The following CADM2 variants were observed in gnomAD, a reference collection of about 807,000 sequenced individuals.
The protein encoded by CADM2 is cell adhesion molecule 2.
In CADM2, 12 loss-of-function variants were observed where a neutral mutation model predicts 49.8. The ratio of observed to expected loss-of-function variants is 0.24; its 90% confidence interval spans 0.15 to 0.39. CADM2 has a LOEUF of 0.39. Among genes scored for constraint, CADM2 ranks in the 10% least tolerant of loss-of-function variants. The probability of loss-of-function intolerance (pLI) is 1.00; values close to 1 mark genes in which losing one functional copy is unlikely to be tolerated. For synonymous variants in CADM2, 214 were observed against 175.4 expected (o/e 1.22, Z -1.74); for missense variants, 378 against 492.3 (o/e 0.77, Z 2.20).
At chr3:85,505,059 C>A (rs1319441219) in intron 1 of CADM2, among the ~76,000 whole-genome samples, 1 of 152,134 alleles carries the variant, frequency 6.6e-6, no homozygotes, top group Non-Finnish European at 1.5e-5. Flanking sequence ...GCGCCTCTCC[C>A]TCCACACCTC....
intron 1 of CADM2, among the ~76,000 whole-genome samples, chr3:85,673,460 A>G (rs1360782703): frequency 1.3e-5 from 2 of 151,052 alleles, no homozygotes; most frequent in Non-Finnish European, 2.9e-5. Flanking sequence ...TTGCTTGGCA[A>G]TTTATCTAGA....
intron 1 of CADM2, among the ~76,000 whole-genome samples, chr3:85,025,476 T>C (rs2034685309): frequency 6.6e-6 from 1 of 152,220 alleles, no homozygotes; most frequent in South Asian, 2.1e-4. Context: ...ATATTATCCA[T>C]ATTTACCAAA....
chr3:85,046,872 T>C, intron 1 of CADM2, among the ~76,000 whole-genome samples: 1 of 151,830 alleles, frequency 6.6e-6, no homozygotes, highest in Non-Finnish European at 1.5e-5. Flanking sequence ...TTAGAATATA[T>C]ATTCTCTTTC....
intron 1 of CADM2, among the ~76,000 whole-genome samples, chr3:85,554,880 T>A (rs35050630): frequency 0.079 from 3,105 of 39,518 alleles, 47 homozygotes; most frequent in South Asian, 0.16. Flanking sequence ...TTTTTTATTT[T>A]TATTTTTTTT....
intron 1 of CADM2, among the ~76,000 whole-genome samples, chr3:85,652,162 C>A (rs756048637): frequency 3.0e-4 from 46 of 151,842 alleles, no homozygotes; most frequent in Non-Finnish European, 4.7e-4. Flanking sequence ...CTCGTTTACC[C>A]AATTAAAGGA....
At chr3:86,014,820 A>T in intron 8 of CADM2, 1 of 1,491,578 alleles carries the variant, frequency 6.7e-7, no homozygotes, top group East Asian at 2.3e-5. Flanking sequence ...TCCATCCACC[A>T]TCTATGAAGC....
At chr3:85,989,885 C>T (rs557221284) in intron 8 of CADM2, among the ~76,000 whole-genome samples, 4 of 151,250 alleles carry the variant, frequency 2.6e-5, no homozygotes, top group East Asian at 2.0e-4. Flanking sequence ...TGGTGGTGGG[C>T]GCCTGCAATC....
At chr3:85,448,924 C>T (rs2037606640) in intron 1 of CADM2, among the ~76,000 whole-genome samples, 1 of 151,620 alleles carries the variant, frequency 6.6e-6, no homozygotes, top group Non-Finnish European at 1.5e-5. Flanking sequence ...GTGGTGCGCG[C>T]CTGTAATCCC....
At chr3:85,209,660 C>T (rs1421191216) in intron 1 of CADM2, among the ~76,000 whole-genome samples, 3 of 151,720 alleles carry the variant, frequency 2.0e-5, no homozygotes, top group African/African-American at 4.8e-5. Context: ...GCTTCTCAGG[C>T]ATCTTAAAAA....
rs145797652 is a variant in CADM2, at chr3:85,554,578, C to T, written c.62-171944C>T. On this transcript the variant is annotated intron_variant, in intron 1 of 9. Transcript: ENST00000383699. Reference sequence around the variant, plus strand: ...AGAGATGTACAGGATGATAAATTATCATACCACTGCTAAAATGTGCATCTG... The same window carrying T: ...AGAGATGTACAGGATGATAAATTATTATACCACTGCTAAAATGTGCATCTG... Among the ~76,000 whole-genome samples, 730 of 152,304 alleles carry T rather than the reference C, an allele frequency of 4.8e-3. 7 individuals carry two copies. Among genetic ancestry groups the T allele is most frequent in the Middle Eastern group, 0.024 (7 of 294 alleles).
chr3:85,911,921 A>AT (rs34682818), intron 5 of CADM2, among the ~76,000 whole-genome samples: 17 of 150,538 alleles, frequency 1.1e-4, no homozygotes, highest in Non-Finnish European at 2.1e-4. Context: ...GAATTTTTTA[A>AT]TTTTTTTTAT....
intron 3 of CADM2, among the ~76,000 whole-genome samples, chr3:85,815,822 G>A (rs1475568971): frequency 6.6e-6 from 1 of 152,126 alleles, no homozygotes; most frequent in African/African-American, 2.4e-5. Context: ...GTTTGCAGAT[G>A]ACATGATTGT....
chr3:85,318,244 G>T (rs1399627462), intron 1 of CADM2, among the ~76,000 whole-genome samples: 1 of 151,744 alleles, frequency 6.6e-6, no homozygotes, highest in Non-Finnish European at 1.5e-5. Context: ...ATAAATGGGG[G>T]GTTGATGTAA....
chr3:85,917,092 A>G (rs1718449022), intron 6 of CADM2, among the ~76,000 whole-genome samples: 2 of 152,052 alleles, frequency 1.3e-5, no homozygotes, highest in African/African-American at 2.4e-5. Flanking sequence ...AGTAGGCTGC[A>G]AAAATTTTCT....
chr3:85,169,887 C>T (rs2040573290), intron 1 of CADM2, among the ~76,000 whole-genome samples: 1 of 152,146 alleles, frequency 6.6e-6, no homozygotes, highest in South Asian at 2.1e-4. Flanking sequence ...AAACCACAGA[C>T]CATGATACCA....
At chr3:85,453,645 G>C (rs968131665) in intron 1 of CADM2, among the ~76,000 whole-genome samples, 28 of 151,922 alleles carry the variant, frequency 1.8e-4, no homozygotes, top group African/African-American at 6.8e-4. Context: ...ATTACTGTAC[G>C]TGGATTCAAA....
At chr3:85,557,082 T>G (rs892681055) in intron 1 of CADM2, among the ~76,000 whole-genome samples, 1 of 152,070 alleles carries the variant, frequency 6.6e-6, no homozygotes. Flanking sequence ...GCAAGTATAT[T>G]TCTTACCCTT....
chr3:85,860,607 C>T (rs2075491210), intron 3 of CADM2, among the ~76,000 whole-genome samples: 1 of 152,146 alleles, frequency 6.6e-6, no homozygotes, highest in Admixed American at 6.6e-5. Flanking sequence ...GCATAGATAG[C>T]ACCATCTTCT....
chr3:85,052,531 C>A (rs906558163), intron 1 of CADM2, among the ~76,000 whole-genome samples: 1 of 152,080 alleles, frequency 6.6e-6, no homozygotes, highest in African/African-American at 2.4e-5. Flanking sequence ...GCCACACTCT[C>A]AGGTAACCAA....
Sources: allele counts gnomAD v4.1 joint callset (sites outside exome capture counted in the v4.1 genomes callset), GRCh38; gene constraint gnomAD v4.1.1; transcripts MANE v1.5; gene names NCBI Gene and HGNC (gene_info 2026-07-23, HGNC 2026-07-21).